Variants in MYT1L observed in about 807,000 individuals in gnomAD.
The protein encoded by MYT1L is myelin transcription factor 1-like protein.
A neutral mutation model predicts 126.7 loss-of-function variants in MYT1L; 12 were observed. That is an observed-to-expected ratio of 0.09 (90% CI 0.06 to 0.15). The LOEUF (loss-of-function observed/expected upper bound fraction) is 0.15. MYT1L is among the 10% of genes least tolerant of loss of function. The pLI, the probability that MYT1L is intolerant of heterozygous loss-of-function variation, is 1.00. For missense variants in MYT1L, 979 were observed against 1,585.2 expected (o/e 0.62, Z 6.49); for synonymous variants, 541 against 604.2 (o/e 0.90, Z 1.53).
At chr2:2,157,129 A>G (rs1311276497) in intron 3 of MYT1L, among the ~76,000 whole-genome samples, 6 of 152,234 alleles carry the variant, frequency 3.9e-5, no homozygotes, top group Non-Finnish European at 8.8e-5. Flanking sequence ...GTACATTTTT[A>G]TAAAATAAAA....
intron 23 of MYT1L, among the ~76,000 whole-genome samples, chr2:1,798,051 C>CA (rs1463857983): frequency 4.0e-5 from 2 of 50,514 alleles, no homozygotes; most frequent in Non-Finnish European, 7.8e-5. Flanking sequence ...TCTCCCCCTT[C>CA]TCCGGCACAG....
At chr2:2,252,107 C>CA (rs1410488198) in intron 2 of MYT1L, among the ~76,000 whole-genome samples, 1 of 152,136 alleles carries the variant, frequency 6.6e-6, no homozygotes, top group Non-Finnish European at 1.5e-5. Context: ...TTCCTCCTCT[C>CA]AAGTGTTCCA....
Position 2,089,755 on chromosome 2 carries a change from G to A in MYT1L, c.-303-35632C>T, listed in dbSNP as rs181232117. 1.6e-3 allele frequency among the ~76,000 whole-genome samples: 240 copies of A among 152,132 alleles called. 1 individual carries two copies. Among genetic ancestry groups the A allele is most frequent in the Middle Eastern group, 6.8e-3 (2 of 294 alleles). ...TCTCTCTGTCTCTGTCGCTGTCTCT[G>A]ACTCTGTCTCTGTCTCTCTCCTTTT... On this transcript the variant is annotated intron_variant, in intron 3 of 24. Transcript: ENST00000647738.
chr2:2,142,161 G>C (rs1575454519), intron 3 of MYT1L, among the ~76,000 whole-genome samples: 1 of 152,042 alleles, frequency 6.6e-6, no homozygotes, highest in African/African-American at 2.4e-5. Context: ...GCCTGTTTGA[G>C]CCTTGTTCAG....
chr2:1,804,685 G>A (rs1572387842), intron 22 of MYT1L, among the ~76,000 whole-genome samples: 1 of 152,290 alleles, frequency 6.6e-6, no homozygotes, highest in Non-Finnish European at 1.5e-5. Flanking sequence ...CCCAGCCAGC[G>A]CTGGTCACTC....
chr2:1,820,813 C>G (rs1257489894), intron 21 of MYT1L, among the ~76,000 whole-genome samples: 1 of 152,152 alleles, frequency 6.6e-6, no homozygotes, highest in East Asian at 1.9e-4. Flanking sequence ...TCCCTAAATA[C>G]TGGGATTACA....
At chr2:1,897,216 G>T (rs1360593822) in intron 14 of MYT1L, among the ~76,000 whole-genome samples, 4 of 152,176 alleles carry the variant, frequency 2.6e-5, no homozygotes, top group African/African-American at 9.7e-5. Context: ...AAGGTCATTG[G>T]TCCTAATAAT....
chr2:1,916,118 G>C (rs374195304), intron 11 of MYT1L, among the ~76,000 whole-genome samples: 6 of 151,968 alleles, frequency 3.9e-5, no homozygotes, highest in African/African-American at 1.4e-4. Context: ...AAACACACAA[G>C]TTTGCTATTT....
intron 3 of MYT1L, among the ~76,000 whole-genome samples, chr2:2,165,676 TTGC>T (rs2088944589): frequency 1.3e-5 from 2 of 152,292 alleles, no homozygotes; most frequent in South Asian, 4.1e-4. Context: ...TCTTCCACAA[TTGC>T]TGCTGTTTTC....
chr2:2,027,944 A>G, intron 4 of MYT1L, among the ~76,000 whole-genome samples: 1 of 152,188 alleles, frequency 6.6e-6, no homozygotes. Context: ...AAAACTGAAG[A>G]ATGTCACTGT....
intron 2 of MYT1L, among the ~76,000 whole-genome samples, chr2:2,191,215 G>A (rs994295164): frequency 5.9e-5 from 9 of 152,224 alleles, no homozygotes; most frequent in Non-Finnish European, 1.0e-4. Context: ...ACAGGATGAA[G>A]GAGGGATGGG....
intron 9 of MYT1L, among the ~76,000 whole-genome samples, chr2:1,931,333 C>T (rs181744606): frequency 6.6e-6 from 1 of 151,668 alleles, no homozygotes; most frequent in Non-Finnish European, 1.5e-5. Context: ...CCACCCTCAG[C>T]GATGCCCATG....
chr2:2,152,134 G>A (rs924871003), intron 3 of MYT1L, among the ~76,000 whole-genome samples: 2 of 152,132 alleles, frequency 1.3e-5, no homozygotes, highest in Admixed American at 6.5e-5. Context: ...CTTGTGCTTC[G>A]GGGCCATTAT....
chr2:2,271,517 T>C (rs2095263077), intron 2 of MYT1L, among the ~76,000 whole-genome samples: 1 of 152,218 alleles, frequency 6.6e-6, no homozygotes, highest in African/African-American at 2.4e-5. Flanking sequence ...AAACAGAGCC[T>C]GCCAGCCAGA....
intron 1 of MYT1L, among the ~76,000 whole-genome samples, chr2:2,308,551 A>C (rs2095896383): frequency 6.6e-6 from 1 of 151,832 alleles, no homozygotes; most frequent in Non-Finnish European, 1.5e-5. Context: ...CCCATACTCC[A>C]CCTACACTTC....
chr2:2,063,569 C>T (rs372869866), intron 3 of MYT1L, among the ~76,000 whole-genome samples: 19 of 152,120 alleles, frequency 1.2e-4, no homozygotes, highest in African/African-American at 3.6e-4. Context: ...CATGGCCAGG[C>T]GCAGCGGCTC....
At chr2:1,935,841 G>A (rs1034590428) in intron 9 of MYT1L, among the ~76,000 whole-genome samples, 5 of 152,110 alleles carry the variant, frequency 3.3e-5, no homozygotes, top group Admixed American at 1.3e-4. Flanking sequence ...AAACATATTC[G>A]ACCCCACTAT....
At chr2:1,880,086 A>G (rs1214980360) in intron 18 of MYT1L, among the ~76,000 whole-genome samples, 2 of 152,216 alleles carry the variant, frequency 1.3e-5, no homozygotes, top group Non-Finnish European at 2.9e-5. Context: ...TCCCTGGGAG[A>G]GTCGAGCTCC....
At chr2:1,813,703 C>A (rs1023661902) in intron 21 of MYT1L, among the ~76,000 whole-genome samples, 1 of 152,088 alleles carries the variant, frequency 6.6e-6, no homozygotes, top group Non-Finnish European at 1.5e-5. Flanking sequence ...ACGGTTTCAT[C>A]CAGAAACCAT....
Sources: gnomAD v4.1 joint callset for allele counts (sites outside exome capture counted in the v4.1 genomes callset) on GRCh38, gnomAD v4.1.1 for gene constraint, MANE v1.5 for transcripts, NCBI Gene and HGNC (gene_info 2026-07-23, HGNC 2026-07-21) for gene names.